The following RARRES1 variants were observed in gnomAD, a reference collection of about 807,000 sequenced individuals.
RARRES1 encodes the protein retinoic acid receptor responder protein 1.
Under a neutral mutation model 30.6 loss-of-function variants are expected in RARRES1, and 34 were observed. That is an observed-to-expected ratio of 1.11 (90% confidence interval 0.84 to 1.48). The LOEUF (loss-of-function observed/expected upper bound fraction) is 1.48, where lower values mean the gene tolerates loss of function less well. RARRES1 is among the 40% of genes most tolerant of loss of function. The pLI is 0.00. For missense variants in RARRES1, 373 were observed against 386.5 expected, an observed-to-expected ratio of 0.97 and a Z score of 0.29; for synonymous variants, 153 against 155.5, an observed-to-expected ratio of 0.98 and a Z score of 0.12.
intron 4 of RARRES1, among the ~76,000 whole-genome samples, chr3:158,702,405 G>A (rs1576808160): frequency 6.6e-6 from 1 of 152,178 alleles, no homozygotes; most frequent in African/African-American, 2.4e-5. Context: ...GTTTGGTTGA[G>A]AGATGTTAGT....
chr3:158,720,699 A>G (rs1300813752), intron 1 of RARRES1, among the ~76,000 whole-genome samples: 3 of 152,086 alleles, frequency 2.0e-5, no homozygotes, highest in Admixed American at 6.6e-5. Flanking sequence ...CAGTGGTGCA[A>G]TCATAGCTCA....
At chr3:158,729,987 CTG>C (rs1727818584) in intron 1 of RARRES1, among the ~76,000 whole-genome samples, 1 of 152,092 alleles carries the variant, frequency 6.6e-6, no homozygotes, top group South Asian at 2.1e-4. Context: ...ACTAGGAAAA[CTG>C]AACTTTTTTG....
rs78169321 is a variant in RARRES1, at chr3:158,704,210, C to CTT, written c.672+579_672+580dup. Among the ~76,000 whole-genome samples, 264 of 82,794 alleles carry CTT rather than the reference C, an allele frequency of 3.2e-3. 8 individuals carry two copies. Among genetic ancestry groups the CTT allele is most frequent in the Non-Finnish European group, 3.8e-3 (163 of 43,378 alleles). 54.3% of individuals were successfully genotyped at this position (82,794 alleles called of 152,430 possible). On this transcript the variant is annotated intron_variant, in intron 4 of 5. Coordinates refer to ENST00000237696, the MANE Select transcript of RARRES1 (RefSeq NM_206963.2). ...AGGCCTTGCCTAGAATATTGCAATA[C>CTT]TTTTTTTTTTTTTTTTTTTTTTTTT...
chr3:158,730,269 G>A (rs1727828378), intron 1 of RARRES1, among the ~76,000 whole-genome samples: 1 of 147,570 alleles, frequency 6.8e-6, no homozygotes, highest in Non-Finnish European at 1.5e-5. Context: ...GCAGTAAGCC[G>A]AGATCGCAGC....
At chr3:158,708,143 G>A (rs1340481286) in intron 3 of RARRES1, among the ~76,000 whole-genome samples, 1 of 152,080 alleles carries the variant, frequency 6.6e-6, no homozygotes, top group Admixed American at 6.5e-5. Flanking sequence ...AGAACATTAT[G>A]TAATACAAGA....
intron 1 of RARRES1, among the ~76,000 whole-genome samples, chr3:158,729,796 T>C (rs1458596683): frequency 3.9e-5 from 6 of 152,104 alleles, no homozygotes; most frequent in Non-Finnish European, 8.8e-5. Context: ...AAAAAATCTC[T>C]GGGATTGAAA....
Position 158,713,810 on chromosome 3 carries a change from C to G in RARRES1, c.326G>C (p.Arg109Pro). ...GTGGCAGCTTACCTCTGGGTTGTAG[C>G]GCTCTGTGCTGAAGACCACGTGAAC... The part of the protein sequence containing the change: ...CKVHVVFSTE[R>P]YNPESLLQEG... The change falls in exon 2 of 6, where the codon CGC (arginine) becomes CCC (proline). Residue 109 changes from arginine (R) to proline (P), a missense_variant. Coordinates refer to ENST00000237696, the MANE Select transcript of RARRES1 (RefSeq NM_206963.2). The G allele has an allele frequency of 1.9e-6, 3 of 1,613,794 alleles. No individual in the cohort carries two copies. Among genetic ancestry groups the G allele is most frequent in the Non-Finnish European group, 1.7e-6 (2 of 1,179,850 alleles).
chr3:158,718,646 C>T (rs928060318), intron 1 of RARRES1, among the ~76,000 whole-genome samples: 3 of 152,124 alleles, frequency 2.0e-5, no homozygotes, highest in African/African-American at 7.2e-5. Context: ...CCACTCTGGG[C>T]ATGCATCCCA....
chr3:158,712,856 T>C (rs1202581378), intron 2 of RARRES1, among the ~76,000 whole-genome samples: 1 of 152,240 alleles, frequency 6.6e-6, no homozygotes, highest in Non-Finnish European at 1.5e-5. Flanking sequence ...AGCATATTGT[T>C]GGTGAAAATA....
Position 158,712,127 on chromosome 3 carries a change from A to G in RARRES1, c.340-1194T>C, listed in dbSNP as rs116622559. Among the ~76,000 whole-genome samples, 1,093 of 152,356 alleles carry G rather than the reference A, an allele frequency of 7.2e-3. 19 individuals are homozygous for G. Among genetic ancestry groups the G allele is most frequent in the African/African-American group, 0.025 (1,037 of 41,578 alleles). On this transcript the variant is annotated intron_variant, in intron 2 of 5. Transcript: ENST00000237696. ...CTGGGCCTAGAATTTGAGGAAGTTCATGGGCCACTAGTCTTGGCCCTGCCC... is the reference window on the plus strand; with the variant it reads ...CTGGGCCTAGAATTTGAGGAAGTTCGTGGGCCACTAGTCTTGGCCCTGCCC...
At chr3:158,702,731 T>C (rs1462116221) in intron 4 of RARRES1, among the ~76,000 whole-genome samples, 4 of 152,202 alleles carry the variant, frequency 2.6e-5, no homozygotes, top group Non-Finnish European at 5.9e-5. Flanking sequence ...TCTTGGTAGA[T>C]GAGAGTGTGT....
At position 158,732,401 on chromosome 3, in the gene RARRES1, C is replaced by T; in HGVS notation, c.15G>A (p.Arg5=). 1 of 1,509,004 alleles carries T rather than the reference C, an allele frequency of 6.6e-7. No homozygotes were observed. The highest frequency in any genetic ancestry group is 8.8e-7 in the Non-Finnish European group (1 of 1,134,122). 93.5% of individuals were successfully genotyped at this position (1,509,004 alleles called of 1,614,324 possible). Reference sequence around the variant, plus strand: ...CGGACCAGGGAGCAGGCAGCCGTTGCCGGCGGGGCTGCATGGACGCAGGAA... The same window carrying T: ...CGGACCAGGGAGCAGGCAGCCGTTGTCGGCGGGGCTGCATGGACGCAGGAA... MQPR[R]QRLPAPWSGP... Residue 5 remains arginine, a synonymous_variant, in exon 1 of 6, where the codon CGG becomes CGA. Transcript: ENST00000237696.
In RARRES1 at chr3:158,729,864, G is replaced by A. The variant is rs528023448; in HGVS notation, c.276+2276C>T. Among the ~76,000 whole-genome samples, 13 of 152,264 alleles carry A rather than the reference G, an allele frequency of 8.5e-5. No individual in the cohort carries two copies. In the South Asian group the frequency reaches 2.5e-3, roughly 29 times the overall value. ...GTTTTCTGCAGGGAATCCTGCCCCTGGTAACCAGGGAGCAAATCCTTAGAC... is the reference window on the plus strand; with the variant it reads ...GTTTTCTGCAGGGAATCCTGCCCCTAGTAACCAGGGAGCAAATCCTTAGAC... On this transcript the variant is annotated intron_variant, in intron 1 of 5. Transcript: ENST00000237696.
intron 4 of RARRES1, among the ~76,000 whole-genome samples, chr3:158,699,507 G>C (rs1726657770): frequency 1.3e-5 from 2 of 151,072 alleles, no homozygotes; most frequent in South Asian, 4.2e-4. Context: ...CCGTGAAATG[G>C]CCAGTAGGTG....
Position 158,704,833 on chromosome 3 carries a change from C to T in RARRES1, c.630G>A (p.Val210=). ...TGAGCTGTGCCAAGTAGTAGTGTGA[C>T]ACCTGTGTTGTCATTTCCCACATCA... ...SYVMWEMTTQ[V]SHYYLAQLTS... The change falls in exon 4 of 6, where the codon GTG becomes GTA. Residue 210 remains valine, a synonymous_variant. Coordinates refer to ENST00000237696, the MANE Select transcript of RARRES1 (RefSeq NM_206963.2). The T allele has an allele frequency of 6.2e-7, 1 of 1,614,084 alleles. No homozygotes were observed. The highest frequency in any genetic ancestry group is 8.5e-7 in the Non-Finnish European group (1 of 1,180,000).
intron 1 of RARRES1, among the ~76,000 whole-genome samples, chr3:158,721,510 G>T (rs1372460325): frequency 6.6e-6 from 1 of 152,164 alleles, no homozygotes; most frequent in Non-Finnish European, 1.5e-5. Context: ...AGGTCTAAGG[G>T]TTGCAGGTAG....
At chr3:158,732,106 AGGCGCGTGCCCC>A in intron 1 of RARRES1, 22 bp downstream of exon 1, 2 of 1,310,864 alleles carry the variant, frequency 1.5e-6, no homozygotes, top group Admixed American at 4.2e-5. Context: ...GCGGACAGGC[AGGCGCGTGCCCC>A]GGCGCGTCGC....
At chr3:158,700,238 T>A (rs994723306) in intron 4 of RARRES1, among the ~76,000 whole-genome samples, 24 of 151,612 alleles carry the variant, frequency 1.6e-4, no homozygotes, top group African/African-American at 5.1e-4. Flanking sequence ...TATATATATA[T>A]AAATTGGTTT....
chr3:158,708,141 A>G (rs1001459432), intron 3 of RARRES1, among the ~76,000 whole-genome samples: 5 of 152,178 alleles, frequency 3.3e-5, no homozygotes, highest in Non-Finnish European at 7.3e-5. Flanking sequence ...TCAGAACATT[A>G]TGTAATACAA....
Sources: gnomAD v4.1 joint callset for allele counts (sites outside exome capture counted in the v4.1 genomes callset) on GRCh38, gnomAD v4.1.1 for gene constraint, MANE v1.5 for transcripts, NCBI Gene and HGNC (gene_info 2026-07-23, HGNC 2026-07-21) for gene names.